Variants in ZNF462 observed in about 807,000 individuals in gnomAD.
ZNF462 encodes the protein zinc finger protein 462, also known as zinc finger PBX1-interacting protein.
A neutral mutation model predicts 201.9 loss-of-function variants in ZNF462; 10 were observed. That is an observed-to-expected ratio of 0.05 (90% CI 0.03 to 0.08). The LOEUF (loss-of-function observed/expected upper bound fraction) is 0.08, where lower values mean the gene tolerates loss of function less well. ZNF462 is among the 10% of genes least tolerant of loss of function. ZNF462 has a pLI of 1.00. For synonymous variants in ZNF462, 1,227 were observed against 1,193.3 expected, an observed-to-expected ratio of 1.03 and a Z score of -0.58; for missense variants, 2,523 against 3,168.3, an observed-to-expected ratio of 0.80 and a Z score of 4.89.
intron 9 of ZNF462, chr9:106,976,674 T>C (rs1356204946): frequency 6.6e-6 from 1 of 152,166 alleles, no homozygotes; most frequent in Non-Finnish European, 1.5e-5. Flanking sequence ...ACATGAGCAT[T>C]TGAGGATTAA....
At chr9:106,864,039 G>GCTCTCTCTCTCCCT in intron 1 of ZNF462, among the ~76,000 whole-genome samples, 1 of 22,760 alleles carries the variant, frequency 4.4e-5, no homozygotes, top group Admixed American at 5.8e-4. Flanking sequence ...CAGGTATTTG[G>GCTCTCTCTCTCCCT]CTCTCTCTCT....
At chr9:106,862,164 A>AAAGC (rs1354177380), upstream of ZNF462, among the ~76,000 whole-genome samples, 5 of 152,236 alleles carry the variant, frequency 3.3e-5, no homozygotes, top group East Asian at 9.7e-4. The surrounding 1 kb of genome is among the most constrained non-coding windows in gnomAD (Gnocchi z 4.2). Context: ...CCAGTAATGG[A>AAAGC]CAATTTGAGC....
chr9:106,885,812 G>A lies in ZNF462; in HGVS notation c.-31+22457G>A, dbSNP rs1440996371. On this transcript the variant is annotated intron_variant, in intron 1 of 12. Transcript: ENST00000277225. The surrounding 1 kb of genome is among the most constrained non-coding windows in gnomAD (Gnocchi z 4.1). ...GCACATGGGACTGATGTTGAGGACT[G>A]CTTGATGTTTTGGAGCCCACCTGAT... 6.6e-6 allele frequency among the ~76,000 whole-genome samples: 1 copy of A among 152,178 alleles called. No homozygotes were observed. Among genetic ancestry groups the A allele is most frequent in the Non-Finnish European group, 1.5e-5 (1 of 68,032 alleles).
At position 106,927,778 on chromosome 9, in the gene ZNF462, C is replaced by A. The variant is rs1304542217; in HGVS notation, c.3866C>A (p.Pro1289His). The A allele has an allele frequency of 6.2e-7, 1 of 1,614,134 alleles. No homozygotes were observed. The highest frequency in any genetic ancestry group is 8.5e-7 in the Non-Finnish European group (1 of 1,180,030). Residue 1289 changes from proline (P) to histidine (H), a missense_variant, in exon 3 of 13, where the codon CCC becomes CAC. Physicochemically the swap from Pro to His is moderately conservative, Grantham distance 77. Transcript: ENST00000277225. ...AGGAAGCATATCAAGAAAGACCACC[C>A]CGCCCTGAAAGCCACAGTCACGTCC... ...ALRKHIKKDH[P>H]ALKATVTSIM...
At chr9:106,908,918 TATATATA>T (rs1829395274) in intron 1 of ZNF462, among the ~76,000 whole-genome samples, 1 of 21,262 alleles carries the variant, frequency 4.7e-5, no homozygotes, top group Non-Finnish European at 8.7e-5. Context: ...TACATATATA[TATATATA>T]TATATATATA....
Position 106,883,343 on chromosome 9 carries a change from C to T in ZNF462, c.-31+19988C>T, listed in dbSNP as rs1439156040. On this transcript the variant is annotated intron_variant, in intron 1 of 12. Transcript: ENST00000277225. The surrounding 1 kb of genome is among the most constrained non-coding windows in gnomAD (Gnocchi z 4.9). ...AAGACTAGGATAATAGCGGGAAAGT[C>T]AAAGCCTTTCTAAAGCAGAGACCAT... is the stretch of plus-strand genomic sequence containing the variant. 2.0e-5 allele frequency among the ~76,000 whole-genome samples: 3 copies of T among 152,186 alleles called. No homozygotes were observed. Among genetic ancestry groups the T allele is most frequent in the African/African-American group, 7.2e-5 (3 of 41,438 alleles).
chr9:106,862,837 T>G (rs1218389107), upstream of ZNF462, among the ~76,000 whole-genome samples: 1 of 152,172 alleles, frequency 6.6e-6, no homozygotes, highest in Non-Finnish European at 1.5e-5. The surrounding 1 kb of genome is among the most constrained non-coding windows in gnomAD (Gnocchi z 4.2). Flanking sequence ...CCTCATTTCT[T>G]TCTTTCTTTC....
Position 106,927,662 on chromosome 9 carries a change from C to T in ZNF462, c.3750C>T (p.Val1250=), listed in dbSNP as rs1830254805. ...NQKKPASCVL[V]SPSNLERDKT... is the part of the protein sequence containing the mutation. ...AGAAGCCTGCCAGCTGCGTGCTTGT[C>T]TCCCCCTCTAATCTGGAGCGGGACA... The change falls in exon 3 of 13, where the codon GTC becomes GTT. Residue 1250 remains valine, a synonymous_variant. Coordinates refer to ENST00000277225, the MANE Select transcript of ZNF462 (RefSeq NM_021224.6). 4 of 1,614,114 alleles carry T rather than the reference C, an allele frequency of 2.5e-6. No homozygotes were observed. Among genetic ancestry groups the T allele is most frequent in the African/African-American group, 1.3e-5 (1 of 75,014 alleles).
Position 106,926,284 on chromosome 9 carries a change from T to C in ZNF462, c.2372T>C (p.Leu791Pro). 6.2e-7 allele frequency: 1 copy of C among 1,614,198 alleles called. No homozygotes were observed. The highest frequency in any genetic ancestry group is 8.5e-7 in the Non-Finnish European group (1 of 1,180,042). Residue 791 changes from leucine to proline, a missense_variant, in exon 3 of 13, where the codon CTC (leucine) becomes CCC (proline). Physicochemically the swap from Leu to Pro is moderately conservative, Grantham distance 98. Around this residue, in one of 15 missense-constraint regions of ZNF462, gnomAD observed 383 missense variants for 453.4 expected, o/e 0.84. Transcript: ENST00000277225. The surrounding 1 kb of genome is among the most constrained non-coding windows in gnomAD (Gnocchi z 7.9). ...YNATNGAEIE[L>P]TLSEDEEDYY... ...GCCACCAATGGGGCTGAGATTGAGC[T>C]CACCCTTTCTGAAGATGAAGAGGAT...
chr9:106,987,608 G>C (rs1377396787), intron 10 of ZNF462, among the ~76,000 whole-genome samples: 2 of 152,024 alleles, frequency 1.3e-5, no homozygotes, highest in Non-Finnish European at 2.9e-5. Context: ...CCCACTCTGT[G>C]GGTTGTCTGT....
intron 9 of ZNF462, among the ~76,000 whole-genome samples, chr9:106,983,894 C>CATT (rs1827630583): frequency 6.6e-6 from 1 of 152,178 alleles, no homozygotes; most frequent in Admixed American, 6.5e-5. Context: ...TTGCCTTAAT[C>CATT]ACCTCCATTC....
At chr9:106,888,456 A>G (rs1007678183) in intron 1 of ZNF462, among the ~76,000 whole-genome samples, 2 of 152,224 alleles carry the variant, frequency 1.3e-5, no homozygotes, top group Admixed American at 6.5e-5. Context: ...GCTATGTTTC[A>G]CTGGTAGAGC....
chr9:106,884,632 A>G (rs1828241558), intron 1 of ZNF462, among the ~76,000 whole-genome samples: 1 of 152,172 alleles, frequency 6.6e-6, no homozygotes, highest in South Asian at 2.1e-4. Context: ...CAATTTTTTC[A>G]TATTAATATA....
chr9:106,964,470 G>T (rs1350845332), intron 7 of ZNF462, among the ~76,000 whole-genome samples: 1 of 151,956 alleles, frequency 6.6e-6, no homozygotes, highest in East Asian at 1.9e-4. Context: ...TTTGAATCTC[G>T]TTCCTTTGAT....
Position 107,012,771 on chromosome 9 carries a change from A to AG in ZNF462, c.*1745dup, listed in dbSNP as rs1830000173. 6.7e-6 allele frequency: 1 copy of AG among 149,468 alleles called. No homozygotes were observed. The highest frequency in any genetic ancestry group is 1.5e-5 in the Non-Finnish European group (1 of 67,480). 9.3% of individuals were successfully genotyped at this position (149,468 alleles called of 1,614,324 possible). A position where few individuals can be genotyped will look rare whatever the true frequency, so the allele number is the denominator to read the frequency against. On this transcript the variant is annotated 3_prime_UTR_variant, in exon 13 of 13. Coordinates refer to ENST00000277225, the MANE Select transcript of ZNF462 (RefSeq NM_021224.6). ...GGGAGGGTGGGAGGGAAGAAAGGGA[A>AG]GGGGAATTGCTGAGATGACAGTGTC...
intron 7 of ZNF462, among the ~76,000 whole-genome samples, 166 bp from the exon 8 acceptor site, chr9:106,971,839 A>G (rs1395708075): frequency 6.6e-6 from 1 of 152,186 alleles, no homozygotes; most frequent in Non-Finnish European, 1.5e-5. Flanking sequence ...ACAGATACAT[A>G]TATCAAATCA....
intron 1 of ZNF462, among the ~76,000 whole-genome samples, chr9:106,878,621 G>C (rs1344460970): frequency 6.6e-6 from 1 of 152,172 alleles, no homozygotes; most frequent in African/African-American, 2.4e-5. Context: ...TAGGCTCTTT[G>C]TTTTGGTAAT....
At position 106,885,256 on chromosome 9, in the gene ZNF462, ATGT is replaced by A. The variant is rs749399659; in HGVS notation, c.-31+21906_-31+21908del. On this transcript the variant is annotated intron_variant, in intron 1 of 12. Coordinates refer to ENST00000277225, the MANE Select transcript of ZNF462 (RefSeq NM_021224.6). This position sits in a 1 kb window ranked among gnomAD's most constrained non-coding sequence, Gnocchi z 4.1. ...ATTAAAGGAAGTGCCTCTAGAATAA[ATGT>A]TGTTAAGAGAATTTAATCTTCACTT... Among the ~76,000 whole-genome samples the A allele has an allele frequency of 5.1e-4, 78 of 152,184 alleles. 1 individual carries two copies. Among genetic ancestry groups the A allele is most frequent in the Non-Finnish European group, 1.3e-4 (9 of 68,030 alleles).
chr9:106,972,797 C>T lies in ZNF462; in HGVS notation c.6695+525C>T, dbSNP rs1826696748. On this transcript the variant is annotated intron_variant, in intron 8 of 12. Coordinates refer to ENST00000277225, the MANE Select transcript of ZNF462 (RefSeq NM_021224.6). The surrounding 1 kb of genome is among the most constrained non-coding windows in gnomAD (Gnocchi z 4.8). ...GCAATCATAGGGAGATTGCTCCAGT[C>T]TAGAAAAAGAGAATCCATAGTCACC... 6.6e-6 allele frequency among the ~76,000 whole-genome samples: 1 copy of T among 152,022 alleles called. No individual in the cohort carries two copies. The highest frequency in any genetic ancestry group is 2.1e-4 in the South Asian group (1 of 4,818).
Sources: gnomAD v4.1 joint callset for allele counts (sites outside exome capture counted in the v4.1 genomes callset) on GRCh38, gnomAD v4.1.1 for gene constraint, gnomAD v4.1.1 regional missense constraint, Gnocchi (gnomAD v3.1) non-coding constraint, MANE v1.5 for transcripts, NCBI Gene and HGNC (gene_info 2026-07-23, HGNC 2026-07-21) for gene names.